PHACTR1: variants seen among roughly 807,000 people sequenced by gnomAD.
PHACTR1 encodes phosphatase and actin regulator 1.
A neutral mutation model predicts 69.2 loss-of-function variants in PHACTR1; 16 were observed. The ratio of observed to expected loss-of-function variants is 0.23; its 90% confidence interval spans 0.16 to 0.35. PHACTR1 has a LOEUF of 0.35. Ranked by LOEUF, PHACTR1 falls within the 10% of genes least tolerant of loss-of-function variation. PHACTR1 has a pLI of 1.00. For synonymous variants in PHACTR1, 312 were observed against 284.5 expected, an observed-to-expected ratio of 1.10 and a Z score of -0.97; for missense variants, 510 against 734.7, an observed-to-expected ratio of 0.69 and a Z score of 3.54.
At chr6:12,857,525 C>T (rs912605687) in intron 4 of PHACTR1, among the ~76,000 whole-genome samples, 1 of 151,844 alleles carries the variant, frequency 6.6e-6, no homozygotes, top group Non-Finnish European at 1.5e-5. Context: ...ATTGCTTGAA[C>T]CCTGGAGGCT....
chr6:12,744,288 T>C (rs1160030853), intron 3 of PHACTR1, among the ~76,000 whole-genome samples: 1 of 152,238 alleles, frequency 6.6e-6, no homozygotes, highest in Non-Finnish European at 1.5e-5. Flanking sequence ...AATTGTGTCC[T>C]GTTGCAAAAG....
At chr6:12,889,872 A>G (rs1269743152) in intron 4 of PHACTR1, among the ~76,000 whole-genome samples, 1 of 149,904 alleles carries the variant, frequency 6.7e-6, no homozygotes, top group Non-Finnish European at 1.5e-5. Context: ...GGGCTTGTAA[A>G]CATGTAGTCC....
At chr6:13,027,626 T>G (rs1801882188) in intron 4 of PHACTR1, among the ~76,000 whole-genome samples, 1 of 152,184 alleles carries the variant, frequency 6.6e-6, no homozygotes, top group African/African-American at 2.4e-5. Flanking sequence ...TGAGATGTTT[T>G]CCAAAATGTG....
chr6:13,002,312 C>CT (rs887919611), intron 4 of PHACTR1, among the ~76,000 whole-genome samples: 5 of 151,944 alleles, frequency 3.3e-5, no homozygotes, highest in African/African-American at 9.7e-5. Flanking sequence ...TACATGTCCA[C>CT]TTTTTTTTGG....
intron 4 of PHACTR1, among the ~76,000 whole-genome samples, chr6:12,824,732 A>G (rs987586035): frequency 6.6e-6 from 1 of 152,112 alleles, no homozygotes; most frequent in African/African-American, 2.4e-5. Context: ...ATCTATTAAT[A>G]TATTAGTTCT....
chr6:13,086,375 G>A (rs1047628488), intron 5 of PHACTR1, among the ~76,000 whole-genome samples: 9 of 151,978 alleles, frequency 5.9e-5, no homozygotes, highest in South Asian at 2.1e-4. Flanking sequence ...AAATTAACCC[G>A]TTTTCATGTA....
rs528116250 is a variant in PHACTR1 at position 12,862,760 on chromosome 6, G to A, written c.250+112970G>A. The stretch of plus-strand genomic sequence containing the variant: ...GTGTGTGCACATCTGAGAAACTTTT[G>A]GAACCAAAATTATATCTCCATGCAC... On this transcript the variant is annotated intron_variant, in intron 4 of 14. Coordinates refer to ENST00000332995, the MANE Select transcript of PHACTR1 (RefSeq NM_030948.6). Among the ~76,000 whole-genome samples, 6 of 152,164 alleles carry A rather than the reference G, an allele frequency of 3.9e-5. No homozygotes were observed. The South Asian group carries it at 1.2e-3, about 32-fold the overall frequency.
At chr6:13,173,706 C>G (rs149567651) in intron 6 of PHACTR1, among the ~76,000 whole-genome samples, 1 of 152,120 alleles carries the variant, frequency 6.6e-6, no homozygotes, top group Non-Finnish European at 1.5e-5. Context: ...CTTGCTAAAA[C>G]GACACCTCTC....
chr6:12,974,550 G>A (rs982982941), intron 4 of PHACTR1, among the ~76,000 whole-genome samples: 3 of 152,176 alleles, frequency 2.0e-5, no homozygotes, highest in Non-Finnish European at 4.4e-5. Flanking sequence ...ATGTGACCTT[G>A]AGATCAGTTT....
chr6:12,909,442 A>G (rs554273541), intron 4 of PHACTR1, among the ~76,000 whole-genome samples: 1 of 152,366 alleles, frequency 6.6e-6, no homozygotes. Context: ...TGTGAGATGT[A>G]TAATTATATG....
chr6:13,133,496 C>T (rs1025056519), intron 5 of PHACTR1, among the ~76,000 whole-genome samples: 47 of 152,100 alleles, frequency 3.1e-4, no homozygotes, highest in Middle Eastern at 6.8e-3. Flanking sequence ...GGGGTTTCGC[C>T]GTGTTGGCCG....
chr6:12,970,493 G>A (rs1455485265), intron 4 of PHACTR1, among the ~76,000 whole-genome samples: 2 of 152,170 alleles, frequency 1.3e-5, no homozygotes, highest in African/African-American at 4.8e-5. Context: ...TTCTTGGCCC[G>A]GCGTAGTGGC....
At chr6:13,067,781 G>A (rs1427254017) in intron 5 of PHACTR1, among the ~76,000 whole-genome samples, 1 of 152,118 alleles carries the variant, frequency 6.6e-6, no homozygotes, top group African/African-American at 2.4e-5. Context: ...TAATCACACA[G>A]GCCTCAGTAG....
chr6:12,749,914 C>A (rs1374055252), intron 4 of PHACTR1, 124 bp downstream of exon 4: 2 of 932,400 alleles, frequency 2.1e-6, no homozygotes, highest in Non-Finnish European at 3.1e-6. Flanking sequence ...TCAGCACTCG[C>A]GCTCTTTGTG....
intron 4 of PHACTR1, among the ~76,000 whole-genome samples, chr6:12,961,693 G>A (rs1289103032): frequency 1.3e-5 from 2 of 152,226 alleles, no homozygotes; most frequent in Non-Finnish European, 1.5e-5. Flanking sequence ...CATAGCTGAT[G>A]TATTGGTTGG....
At chr6:12,748,908 T>C (rs569671071) in intron 3 of PHACTR1, among the ~76,000 whole-genome samples, 2 of 152,314 alleles carry the variant, frequency 1.3e-5, no homozygotes, top group African/African-American at 4.8e-5. Context: ...CCCAAACTTG[T>C]AGACATTTTT....
chr6:12,799,419 A>AT (rs1171307830), intron 4 of PHACTR1, among the ~76,000 whole-genome samples: 4 of 152,246 alleles, frequency 2.6e-5, no homozygotes, highest in South Asian at 2.1e-4. Context: ...AAAATACTAG[A>AT]TTTTTTTCAA....
chr6:13,096,105 A>G (rs1420180127), intron 5 of PHACTR1, among the ~76,000 whole-genome samples: 5 of 152,046 alleles, frequency 3.3e-5, no homozygotes, highest in Admixed American at 1.3e-4. Flanking sequence ...TTTTATGTCA[A>G]TCTACATAGA....
chr6:13,191,646 G>C (rs1057395255), intron 7 of PHACTR1, among the ~76,000 whole-genome samples: 3 of 152,214 alleles, frequency 2.0e-5, no homozygotes, highest in African/African-American at 7.2e-5. Flanking sequence ...GATAGAGGAA[G>C]TCTGGCTCTG....
Sources: allele counts gnomAD v4.1 joint callset (sites outside exome capture counted in the v4.1 genomes callset), GRCh38; gene constraint gnomAD v4.1.1; transcripts MANE v1.5; gene names NCBI Gene and HGNC (gene_info 2026-07-23, HGNC 2026-07-21).